Variants in GALNT17 observed in about 807,000 individuals in gnomAD.
The protein encoded by GALNT17 is UDP-GalNAc:polypeptide N-acetylgalactosaminyltransferase-like 3.
GALNT17 carries 29 observed loss-of-function variants against 63.7 expected under a neutral mutation model. The observed-to-expected ratio is 0.46, with a 90% CI of 0.34 to 0.62. The LOEUF (loss-of-function observed/expected upper bound fraction) is 0.62. GALNT17 is among the 20% of genes least tolerant of loss of function. The pLI is 0.01. For missense variants in GALNT17, 603 were observed against 799.6 expected (o/e 0.75, Z 2.97); for synonymous variants, 305 against 318.3 (o/e 0.96, Z 0.45).
chr7:71,711,787 T>C (rs926356936), intron 10 of GALNT17, among the ~76,000 whole-genome samples: 4 of 151,464 alleles, frequency 2.6e-5, no homozygotes, highest in African/African-American at 9.7e-5. Flanking sequence ...CTCTCCTGTC[T>C]CTTTCTCTTC....
At chr7:71,215,260 C>T (rs1016252607) in intron 1 of GALNT17, among the ~76,000 whole-genome samples, 89 of 152,272 alleles carry the variant, frequency 5.8e-4, no homozygotes, top group African/African-American at 2.1e-3. Flanking sequence ...GCTCCTGCCA[C>T]ATAATGAATT....
rs1585825706 is a variant in GALNT17, at chr7:71,132,706, G to T, written c.-97G>T. ...GCAGGGGCTTGGATCCCTGCCGGCCGTCTGGTGTGTGAGGCTTGCACGGCC... is the reference window on the plus strand; with the variant it reads ...GCAGGGGCTTGGATCCCTGCCGGCCTTCTGGTGTGTGAGGCTTGCACGGCC... On this transcript the variant is annotated 5_prime_UTR_variant, in exon 1 of 11. Transcript: ENST00000333538. 2 of 1,038,786 alleles carry T rather than the reference G, an allele frequency of 1.9e-6. No homozygotes were observed. Among genetic ancestry groups the T allele is most frequent in the Non-Finnish European group, 2.7e-6 (2 of 729,742 alleles). 64.3% of individuals were successfully genotyped at this position (1,038,786 alleles called of 1,614,324 possible).
chr7:71,432,298 A>C (rs1235029711), intron 5 of GALNT17, among the ~76,000 whole-genome samples: 1 of 152,126 alleles, frequency 6.6e-6, no homozygotes, highest in Non-Finnish European at 1.5e-5. Context: ...GGCACATAAC[A>C]ACTCATTTCA....
intron 5 of GALNT17, among the ~76,000 whole-genome samples, chr7:71,459,369 C>T (rs1161423346): frequency 6.6e-6 from 1 of 152,208 alleles, no homozygotes; most frequent in Non-Finnish European, 1.5e-5. Flanking sequence ...TTGGCTGAGA[C>T]TCAGTTATTT....
rs142598584 is a variant in GALNT17, at chr7:71,386,210, A to G, written c.423-2025A>G. On this transcript the variant is annotated intron_variant, in intron 2 of 10. Transcript: ENST00000333538. ...ACGATCTTCTCCAGGAGACAAACACATATTGTAACAAAACTTTATTTTCTT... is the reference window on the plus strand; with the variant it reads ...ACGATCTTCTCCAGGAGACAAACACGTATTGTAACAAAACTTTATTTTCTT... Among the ~76,000 whole-genome samples the G allele has an allele frequency of 5.3e-4, 81 of 152,304 alleles. 1 individual carries two copies. Among genetic ancestry groups the G allele is most frequent in the Non-Finnish European group, 3.2e-4 (22 of 68,030 alleles).
intron 4 of GALNT17, among the ~76,000 whole-genome samples, chr7:71,418,338 T>C (rs1786585737): frequency 6.6e-6 from 1 of 152,246 alleles, no homozygotes; most frequent in Non-Finnish European, 1.5e-5. Context: ...CAGTTCTTCA[T>C]TACAAGGTAG....
chr7:71,637,506 G>GCCAT (rs1790545139), intron 6 of GALNT17, among the ~76,000 whole-genome samples: 1 of 131,644 alleles, frequency 7.6e-6, no homozygotes, highest in Non-Finnish European at 1.6e-5. Flanking sequence ...TTTTTTTTTA[G>GCCAT]CCATCAAGTA....
At chr7:71,572,175 A>C (rs1452630880) in intron 6 of GALNT17, among the ~76,000 whole-genome samples, 1 of 151,938 alleles carries the variant, frequency 6.6e-6, no homozygotes, top group East Asian at 1.9e-4. Flanking sequence ...CCAGGAATTC[A>C]AAACCAGGCT....
chr7:71,575,186 A>C (rs1357779114), intron 6 of GALNT17, among the ~76,000 whole-genome samples: 1 of 152,294 alleles, frequency 6.6e-6, no homozygotes, highest in Non-Finnish European at 1.5e-5. Context: ...AATGAATTGC[A>C]TAATAAATGC....
chr7:71,161,109 G>A (rs932664179), intron 1 of GALNT17, among the ~76,000 whole-genome samples: 8 of 152,122 alleles, frequency 5.3e-5, no homozygotes, highest in Non-Finnish European at 1.2e-4. Context: ...ACAGGTGTGA[G>A]CCACTACACT....
chr7:71,306,615 G>A (rs189915149), intron 1 of GALNT17, among the ~76,000 whole-genome samples: 1 of 152,196 alleles, frequency 6.6e-6, no homozygotes, highest in African/African-American at 2.4e-5. Context: ...TTACATCTTA[G>A]GCTGGTGCAA....
intron 9 of GALNT17, among the ~76,000 whole-genome samples, chr7:71,699,436 A>G (rs1487944611): frequency 6.7e-6 from 1 of 149,594 alleles, no homozygotes. Flanking sequence ...AGATTGCGCC[A>G]CTGCGCTCCA....
chr7:71,424,277 T>G lies in GALNT17; in HGVS notation c.962+3172T>G, dbSNP rs73363773. 1.8e-4 allele frequency among the ~76,000 whole-genome samples: 27 copies of G among 152,140 alleles called. No homozygotes were observed. In the East Asian group the frequency reaches 2.9e-3, roughly 16 times the overall value. On this transcript the variant is annotated intron_variant, in intron 5 of 10. Coordinates refer to ENST00000333538, the MANE Select transcript of GALNT17 (RefSeq NM_022479.3). ...AAATGATGGACTGACAGACAGTGAG[T>G]TTCATGTGTTGGCTGAAAGATACTT...
chr7:71,611,355 C>A (rs1416068965), intron 6 of GALNT17, among the ~76,000 whole-genome samples: 1 of 152,202 alleles, frequency 6.6e-6, no homozygotes, highest in African/African-American at 2.4e-5. Flanking sequence ...TAAGATCCAG[C>A]CCAGTGTTAG....
At chr7:71,262,513 A>G (rs1448264617) in intron 1 of GALNT17, among the ~76,000 whole-genome samples, 1 of 151,992 alleles carries the variant, frequency 6.6e-6, no homozygotes, top group East Asian at 1.9e-4. Flanking sequence ...GTTGAATTGC[A>G]TTTTCCCCAA....
chr7:71,142,908 T>G, intron 1 of GALNT17, among the ~76,000 whole-genome samples: 1 of 150,250 alleles, frequency 6.7e-6, no homozygotes. Flanking sequence ...GCCACTGCAT[T>G]GTAGCCTGGG....
chr7:71,683,616 G>C (rs1791303343), intron 9 of GALNT17, among the ~76,000 whole-genome samples: 1 of 152,192 alleles, frequency 6.6e-6, no homozygotes, highest in Admixed American at 6.5e-5. Flanking sequence ...AGAGAGCCTT[G>C]CTTGCTCGGA....
chr7:71,456,457 G>A (rs1162345064), intron 5 of GALNT17, among the ~76,000 whole-genome samples: 1 of 152,008 alleles, frequency 6.6e-6, no homozygotes, highest in East Asian at 1.9e-4. Context: ...CCAGCACTTT[G>A]GGAGGCCGAG....
chr7:71,187,457 C>A (rs146668984), intron 1 of GALNT17, among the ~76,000 whole-genome samples: 117 of 151,922 alleles, frequency 7.7e-4, no homozygotes, highest in South Asian at 4.4e-3. Flanking sequence ...GTGGAAATTT[C>A]TTCTGAGTTA....
Sources: allele counts gnomAD v4.1 joint callset (sites outside exome capture counted in the v4.1 genomes callset), GRCh38; gene constraint gnomAD v4.1.1; transcripts MANE v1.5; gene names NCBI Gene and HGNC (gene_info 2026-07-23, HGNC 2026-07-21).